Variants in GATAD2B observed in about 807,000 individuals in gnomAD.
GATAD2B encodes GATA zinc finger domain containing 2B.
GATAD2B carries 8 observed loss-of-function variants against 64.3 expected under a neutral mutation model. The ratio of observed to expected loss-of-function variants is 0.12; its 90% CI spans 0.07 to 0.22. The LOEUF is 0.22. GATAD2B is among the 10% of genes least tolerant of loss of function. The pLI, the probability that GATAD2B is intolerant of heterozygous loss-of-function variation, is 1.00. For synonymous variants in GATAD2B, 281 were observed against 271.3 expected (o/e 1.04, Z -0.35); for missense variants, 453 against 752.0 (o/e 0.60, Z 4.65).
At chr1:153,838,648 G>A (rs541335977) in intron 1 of GATAD2B, among the ~76,000 whole-genome samples, 9 of 152,178 alleles carry the variant, frequency 5.9e-5, no homozygotes, top group Admixed American at 3.3e-4. Context: ...CTACAGATGC[G>A]AGCCACCATG....
Position 153,810,121 on chromosome 1 carries a change from T to G in GATAD2B, c.*56A>C. On this transcript the variant is annotated 3_prime_UTR_variant, in exon 11 of 11. Transcript: ENST00000368655. The stretch of plus-strand genomic sequence containing the variant: ...CTGCATGCGACAGAAGTTGGGGGAA[T>G]GAAAGAGGAAAGGGATAAAGGATTC... 5.8e-6 allele frequency: 9 copies of G among 1,539,564 alleles called. No individual in the cohort carries two copies. The highest frequency in any genetic ancestry group is 7.9e-6 in the Non-Finnish European group (9 of 1,134,988).
In GATAD2B at chr1:153,819,696, G is replaced by T. The variant is rs1295431412; in HGVS notation, c.375C>A (p.Ile125=). 6 of 1,611,008 alleles carry T rather than the reference G, an allele frequency of 3.7e-6. No individual in the cohort carries two copies. The highest frequency in any genetic ancestry group is 4.2e-6 in the Non-Finnish European group (5 of 1,178,162). The change falls in exon 3 of 11, where the codon ATC becomes ATA. Residue 125 remains isoleucine, a synonymous_variant. Transcript: ENST00000368655. ...AAGCCTCATTGTCAGACAAAACAAT[G>T]ATGTCTGGTGAGGGAGTTAGCCTTC... The part of the protein sequence containing the change: ...ERGRLTPSPD[I]IVLSDNEASS...
chr1:153,853,181 T>C (rs775730618), intron 1 of GATAD2B: 10 of 1,250,262 alleles, frequency 8.0e-6, no homozygotes, highest in African/African-American at 1.5e-5. Context: ...TATTGGCAAC[T>C]GCAATTTGCA....
chr1:153,850,987 AC>A (rs1168510407), intron 1 of GATAD2B, among the ~76,000 whole-genome samples: 2 of 152,108 alleles, frequency 1.3e-5, no homozygotes, highest in Non-Finnish European at 2.9e-5. Flanking sequence ...TACCCTCTTA[AC>A]AAATTTTCAA....
At chr1:153,869,563 T>C (rs898406075) in intron 1 of GATAD2B, among the ~76,000 whole-genome samples, 1 of 152,200 alleles carries the variant, frequency 6.6e-6, no homozygotes, top group African/African-American at 2.4e-5. Flanking sequence ...TGGCAATTTA[T>C]TAGCTTCTGG....
intron 1 of GATAD2B, among the ~76,000 whole-genome samples, chr1:153,919,990 G>A (rs1421150874): frequency 6.6e-6 from 1 of 152,162 alleles, no homozygotes; most frequent in Non-Finnish European, 1.5e-5. Flanking sequence ...TTTTCTCAAT[G>A]AGCCAAGCAA....
intron 1 of GATAD2B, among the ~76,000 whole-genome samples, chr1:153,854,481 C>T (rs1676013691): frequency 6.6e-6 from 1 of 152,162 alleles, no homozygotes; most frequent in Non-Finnish European, 1.5e-5. Context: ...AATACCACAG[C>T]ATTAAGTAAC....
chr1:153,812,187 T>A (rs536192655), intron 8 of GATAD2B, 55 bp from the exon 9 acceptor site: 19 of 877,516 alleles, frequency 2.2e-5, no homozygotes, highest in Non-Finnish European at 2.9e-5. Flanking sequence ...AATACCCAAT[T>A]TCCTTTTTTT....
intron 2 of GATAD2B, among the ~76,000 whole-genome samples, chr1:153,820,873 C>A (rs1348461026): frequency 6.6e-6 from 1 of 152,060 alleles, no homozygotes; most frequent in African/African-American, 2.4e-5. Flanking sequence ...GCCTTGGCCT[C>A]CCCTTTGGCC....
At chr1:153,823,883 C>A (rs1197302747) in intron 2 of GATAD2B, among the ~76,000 whole-genome samples, 3 of 152,018 alleles carry the variant, frequency 2.0e-5, no homozygotes, top group Non-Finnish European at 4.4e-5. Context: ...GCACCCGCCA[C>A]CACGCCTGGC....
chr1:153,826,122 G>A (rs1472640989), intron 2 of GATAD2B, among the ~76,000 whole-genome samples: 1 of 151,806 alleles, frequency 6.6e-6, no homozygotes, highest in East Asian at 2.0e-4. Flanking sequence ...TCCTGCCTCA[G>A]CCTCCCAAGT....
At chr1:153,817,788 T>C (rs776769657) in intron 5 of GATAD2B, among the ~76,000 whole-genome samples, 9 of 152,238 alleles carry the variant, frequency 5.9e-5, no homozygotes, top group East Asian at 3.9e-4. Context: ...TAGGGTTAGA[T>C]AGAAAACTAT....
rs543845756 is a variant in GATAD2B, at chr1:153,921,610, A to G, written c.-2+1123T>C. The stretch of plus-strand genomic sequence containing the variant: ...CTCTCTCTTACACACACACACACGC[A>G]CACACACACGCCCCCCAAATAAGCA... On this transcript the variant is annotated intron_variant, in intron 1 of 10. Transcript: ENST00000368655. Among the ~76,000 whole-genome samples the G allele has an allele frequency of 2.8e-4, 43 of 151,972 alleles. 2 individuals carry two copies. In the South Asian group the frequency reaches 8.9e-3, roughly 32 times the overall value.
intron 1 of GATAD2B, among the ~76,000 whole-genome samples, chr1:153,875,623 CTA>C (rs1321465283): frequency 7.4e-6 from 1 of 135,254 alleles, no homozygotes; most frequent in Non-Finnish European, 1.5e-5. Flanking sequence ...CAAGCAGCAG[CTA>C]TAGTTTGCTG....
intron 1 of GATAD2B, among the ~76,000 whole-genome samples, chr1:153,916,302 G>A (rs893424306): frequency 6.6e-5 from 10 of 151,132 alleles, no homozygotes; most frequent in Non-Finnish European, 1.5e-4. Context: ...AAGAAAAAGA[G>A]AGTAAGACTA....
At chr1:153,895,595 TA>T (rs971283049) in intron 1 of GATAD2B, among the ~76,000 whole-genome samples, 94 of 129,860 alleles carry the variant, frequency 7.2e-4, no homozygotes, top group African/African-American at 2.4e-3. Context: ...AAAATAAAAA[TA>T]AAAAAAAAAG....
chr1:153,848,095 T>A (rs978158112), intron 1 of GATAD2B, among the ~76,000 whole-genome samples: 1 of 152,184 alleles, frequency 6.6e-6, no homozygotes, highest in Admixed American at 6.5e-5. Flanking sequence ...GTGTTGAGAA[T>A]CATCCCCTCA....
chr1:153,816,718 A>C lies in GATAD2B; in HGVS notation c.901-130T>G. 1 of 614,384 alleles carries C rather than the reference A, an allele frequency of 1.6e-6. No individual in the cohort carries two copies. The highest frequency in any genetic ancestry group is 2.9e-5 in the Admixed American group (1 of 34,422). The allele number at this position is 614,384 out of a possible 1,614,324, so 38.1% of individuals were successfully genotyped here. ...CTTCTCCAAAAATAGGAGGTGGTCAACTTATTTATTGAAAAAGAACTCTGA... is the reference window on the plus strand; with the variant it reads ...CTTCTCCAAAAATAGGAGGTGGTCACCTTATTTATTGAAAAAGAACTCTGA... On this transcript the variant is annotated intron_variant, in intron 6 of 10. Coordinates refer to ENST00000368655, the MANE Select transcript of GATAD2B (RefSeq NM_020699.4). The surrounding 1 kb of genome is among the most constrained non-coding windows in gnomAD (Gnocchi z 4.9).
intron 1 of GATAD2B, among the ~76,000 whole-genome samples, chr1:153,863,203 G>A (rs1051897794): frequency 1.3e-5 from 2 of 152,092 alleles, no homozygotes; most frequent in African/African-American, 2.4e-5. Context: ...GAAAGTGGCC[G>A]AGCACGGTGG....
Sources: gnomAD v4.1 joint callset for allele counts (sites outside exome capture counted in the v4.1 genomes callset) on GRCh38, gnomAD v4.1.1 for gene constraint, Gnocchi (gnomAD v3.1) non-coding constraint, MANE v1.5 for transcripts, NCBI Gene and HGNC (gene_info 2026-07-23, HGNC 2026-07-21) for gene names.